PCDH7: variants seen among roughly 807,000 people sequenced by gnomAD.
The protein encoded by PCDH7 is protocadherin-7.
In PCDH7, 17 loss-of-function variants were observed where a neutral mutation model predicts 58.9. That is an observed-to-expected ratio of 0.29 (90% CI 0.20 to 0.43). The LOEUF is 0.43. PCDH7 is among the 20% of genes least tolerant of loss of function. The pLI, the probability that PCDH7 is intolerant of heterozygous loss-of-function variation, is 1.00. For synonymous variants in PCDH7, 664 were observed against 616.4 expected (o/e 1.08, Z -1.14); for missense variants, 1,274 against 1,441.0 (o/e 0.88, Z 1.88).
chr4:30,985,238 T>C (rs9985629), intron 3 of PCDH7, among the ~76,000 whole-genome samples: 46,634 of 152,120 alleles, frequency 0.31, 9,308 homozygotes, highest in African/African-American at 0.58. Context: ...ATTACAGGCA[T>C]GAGCCACCAT....
chr4:30,764,721 GT>G (rs1720479383), intron 1 of PCDH7, among the ~76,000 whole-genome samples: 2 of 151,526 alleles, frequency 1.3e-5, no homozygotes, highest in African/African-American at 4.9e-5. Context: ...TTGTTTGTTT[GT>G]TTGTTTGTTT....
intron 1 of PCDH7, among the ~76,000 whole-genome samples, chr4:30,912,420 A>G (rs573797537): frequency 6.6e-6 from 1 of 152,298 alleles, no homozygotes; most frequent in African/African-American, 2.4e-5. Flanking sequence ...TAATAATGCA[A>G]TGTTCTGCTC....
At chr4:30,992,715 A>G (rs568935811) in intron 3 of PCDH7, among the ~76,000 whole-genome samples, 2 of 152,128 alleles carry the variant, frequency 1.3e-5, no homozygotes, top group South Asian at 4.2e-4. Flanking sequence ...TACATAAAAT[A>G]CATATAACAA....
At chr4:30,742,503 T>C (rs1264596229) in intron 1 of PCDH7, among the ~76,000 whole-genome samples, 1 of 152,210 alleles carries the variant, frequency 6.6e-6, no homozygotes, top group Non-Finnish European at 1.5e-5. Context: ...CATGTATATA[T>C]GGCTATATGC....
chr4:31,015,699 G>A (rs34533457), intron 3 of PCDH7, among the ~76,000 whole-genome samples: 6,758 of 152,042 alleles, frequency 0.044, 356 homozygotes, highest in East Asian at 0.28. Context: ...AAAACTATTA[G>A]TATATTGGTC....
chr4:31,028,507 A>G (rs957526272), intron 3 of PCDH7, among the ~76,000 whole-genome samples: 6 of 152,242 alleles, frequency 3.9e-5, no homozygotes, highest in East Asian at 1.9e-4. Flanking sequence ...AAATTTAAAA[A>G]TTCACCAGTC....
At position 30,849,403 on chromosome 4, in the gene PCDH7, G is replaced by A. The variant is rs571890896; in HGVS notation, c.71-70750G>A. Among the ~76,000 whole-genome samples the A allele has an allele frequency of 1.3e-4, 20 of 152,166 alleles. No homozygotes were observed. The East Asian group carries it at 3.7e-3, about 28-fold the overall frequency. The stretch of plus-strand genomic sequence containing the variant: ...CAGAATAGGCAGACTGACCTTTCAG[G>A]GCCTTTGCCCATTTCGTGTTACTTT... On this transcript the variant is annotated intron_variant, in intron 1 of 3. Transcript: ENST00000509759.
chr4:31,041,586 C>G (rs1292879345), intron 3 of PCDH7, among the ~76,000 whole-genome samples: 2 of 152,026 alleles, frequency 1.3e-5, no homozygotes, highest in African/African-American at 4.8e-5. Flanking sequence ...CCCCCCACCC[C>G]CTTGCATTGA....
intron 3 of PCDH7, among the ~76,000 whole-genome samples, chr4:31,056,185 G>A (rs1757148191): frequency 6.6e-6 from 1 of 151,786 alleles, no homozygotes; most frequent in African/African-American, 2.4e-5. Flanking sequence ...CCTGGGCAAT[G>A]TGGGGAAACC....
chr4:30,724,482 C>T (rs200262066), exon 1 of PCDH7: 10 of 1,614,082 alleles, frequency 6.2e-6, no homozygotes, highest in African/African-American at 5.3e-5. Flanking sequence ...AACACCAGGC[C>T]GTACAAGATC....
intron 3 of PCDH7, among the ~76,000 whole-genome samples, chr4:30,980,400 T>C (rs779040330): frequency 3.3e-5 from 5 of 152,220 alleles, no homozygotes; most frequent in Non-Finnish European, 7.3e-5. Flanking sequence ...GTTTTTGGTT[T>C]TGTTTTTGTG....
chr4:31,053,071 CCA>C (rs1161032917), intron 3 of PCDH7, among the ~76,000 whole-genome samples: 1 of 151,910 alleles, frequency 6.6e-6, no homozygotes, highest in Non-Finnish European at 1.5e-5. Flanking sequence ...TCTCTTTGCA[CCA>C]GTTAGGATAC....
At chr4:30,764,440 T>C (rs1720433077) in intron 1 of PCDH7, among the ~76,000 whole-genome samples, 1 of 152,144 alleles carries the variant, frequency 6.6e-6, no homozygotes, top group African/African-American at 2.4e-5. Flanking sequence ...TATAGTTTTA[T>C]AAACTGTTTA....
At chr4:31,122,408 A>G (rs1297818664) in intron 3 of PCDH7, among the ~76,000 whole-genome samples, 1 of 152,116 alleles carries the variant, frequency 6.6e-6, no homozygotes, top group Non-Finnish European at 1.5e-5. Context: ...TTTAAAAGAC[A>G]AGTCTTCTCA....
At chr4:31,111,304 A>ATT (rs201052911) in intron 3 of PCDH7, among the ~76,000 whole-genome samples, 1 of 142,014 alleles carries the variant, frequency 7.0e-6, no homozygotes. Context: ...ATTTGTTACA[A>ATT]TTTTTTTTTT....
chr4:31,089,838 C>T (rs959072136), intron 3 of PCDH7, among the ~76,000 whole-genome samples: 9 of 152,020 alleles, frequency 5.9e-5, no homozygotes, highest in Admixed American at 2.0e-4. Flanking sequence ...AGGAAAAATC[C>T]GCAAAATCAG....
At chr4:31,088,591 A>G (rs1440301972) in intron 3 of PCDH7, among the ~76,000 whole-genome samples, 3 of 152,074 alleles carry the variant, frequency 2.0e-5, no homozygotes, top group Non-Finnish European at 4.4e-5. Flanking sequence ...CCACTGGTAA[A>G]ACATACATAA....
At chr4:30,881,700 A>G (rs151083436) in intron 1 of PCDH7, among the ~76,000 whole-genome samples, 7 of 152,144 alleles carry the variant, frequency 4.6e-5, no homozygotes, top group Non-Finnish European at 8.8e-5. Context: ...ATAAGACACC[A>G]TCTGCTGCTC....
intron 3 of PCDH7, among the ~76,000 whole-genome samples, chr4:31,135,228 A>G (rs966929532): frequency 1.3e-5 from 2 of 152,202 alleles, no homozygotes; most frequent in East Asian, 1.9e-4. Flanking sequence ...CGTGCTGCCC[A>G]TGCAAGCAAA....
Sources: gnomAD v4.1 joint callset for allele counts (sites outside exome capture counted in the v4.1 genomes callset) on GRCh38, gnomAD v4.1.1 for gene constraint, MANE v1.5 for transcripts, NCBI Gene and HGNC (gene_info 2026-07-23, HGNC 2026-07-21) for gene names.